The following ECE1 variants were observed in gnomAD, a reference collection of about 807,000 sequenced individuals.
ECE1 encodes endothelin-converting enzyme 1.
ECE1 carries 35 observed loss-of-function variants against 98.6 expected under a neutral mutation model. The observed-to-expected ratio is 0.35, with a 90% CI of 0.27 to 0.47. The LOEUF (loss-of-function observed/expected upper bound fraction) is 0.47, where lower values mean the gene tolerates loss of function less well. Ranked by LOEUF, ECE1 falls within the 20% of genes least tolerant of loss-of-function variation. The pLI, the probability that ECE1 is intolerant of heterozygous loss-of-function variation, is 1.00. For synonymous variants in ECE1, 394 were observed against 407.1 expected, an observed-to-expected ratio of 0.97 and a Z score of 0.39; for missense variants, 814 against 1,025.3, an observed-to-expected ratio of 0.79 and a Z score of 2.81.
chr1:21,313,117 C>T (rs1191354971), intron 1 of ECE1, among the ~76,000 whole-genome samples: 1 of 152,186 alleles, frequency 6.6e-6, no homozygotes, highest in Non-Finnish European at 1.5e-5. Flanking sequence ...CTGCGCCCCA[C>T]TATTCCCTCC....
Position 21,290,109 on chromosome 1 carries a change from G to C in ECE1, c.99C>G (p.Asp33Glu). The change falls in exon 2 of 19, where the codon GAC (aspartate) becomes GAG (glutamate). Residue 33 changes from aspartate to glutamate, a missense_variant. Physicochemically the swap from Asp to Glu is conservative, Grantham distance 45 (BLOSUM62 2). This residue lies in a region of ECE1 where 257 missense variants were observed against 278.9 expected (regional missense o/e 0.92). Transcript: ENST00000374893. The surrounding 1 kb of genome is among the most constrained non-coding windows in gnomAD (Gnocchi z 7.3). ...GGTATGCGTCGCCCTCGGAGAGCGA[G>C]TCCACCAGGTCCTCCTCGTCCAGCG... ...RATLDEEDLV[D>E]SLSEGDAYPN... The C allele has an allele frequency of 6.4e-7, 1 of 1,553,842 alleles. No individual in the cohort carries two copies. Among genetic ancestry groups the C allele is most frequent in the Non-Finnish European group, 8.7e-7 (1 of 1,150,616 alleles).
At position 21,272,853 on chromosome 1, in the gene ECE1, G is replaced by A. The variant is rs775183569; in HGVS notation, c.339C>T (p.Ser113=). Residue 113 remains serine (S), a synonymous_variant, in exon 4 of 19, where the codon AGC becomes AGT. Transcript: ENST00000374893. ...AGGGGTCCACTGTGGGGTCCATGGA[G>A]CTCAAGATGGAGCTGGTCACTGAGA... ...ACVSVTSSIL[S]SMDPTVDPCH... The A allele has an allele frequency of 5.0e-6, 8 of 1,614,152 alleles. No individual in the cohort carries two copies. The highest frequency in any genetic ancestry group is 1.3e-5 in the African/African-American group (1 of 74,954).
At chr1:21,343,616 T>C (rs944296021) in intron 1 of ECE1, among the ~76,000 whole-genome samples, 1 of 152,236 alleles carries the variant, frequency 6.6e-6, no homozygotes, top group African/African-American at 2.4e-5. Context: ...TATCATCTCA[T>C]CTTGCAGATG....
chr1:21,284,903 G>A (rs546656760), intron 2 of ECE1, among the ~76,000 whole-genome samples: 11 of 152,336 alleles, frequency 7.2e-5, no homozygotes, highest in South Asian at 6.2e-4. Context: ...ACCTGGGAGC[G>A]CTGGCAGGGG....
chr1:21,274,179 A>G (rs2098243812), intron 3 of ECE1, among the ~76,000 whole-genome samples: 1 of 152,242 alleles, frequency 6.6e-6, no homozygotes, highest in Non-Finnish European at 1.5e-5. Context: ...GAACGGAACA[A>G]GGTCGCCCAG....
At chr1:21,289,958 G>C in intron 2 of ECE1, 112 bp downstream of exon 2, 2 of 1,222,620 alleles carry the variant, frequency 1.6e-6, no homozygotes, top group Non-Finnish European at 2.1e-6. Context: ...GGACGAGGGA[G>C]GGGAAGGGAG....
At chr1:21,312,332 G>T (rs1291644825) in intron 1 of ECE1, among the ~76,000 whole-genome samples, 1 of 151,854 alleles carries the variant, frequency 6.6e-6, no homozygotes, top group African/African-American at 2.4e-5. Flanking sequence ...CAGCTACTCA[G>T]GAGGCTGAGG....
intron 9 of ECE1, among the ~76,000 whole-genome samples, chr1:21,246,404 C>G (rs12564654): frequency 6.8e-6 from 1 of 147,070 alleles, no homozygotes; most frequent in East Asian, 2.0e-4. Context: ...GAGGCTGAGG[C>G]AGGAGAATCA....
intron 3 of ECE1, among the ~76,000 whole-genome samples, chr1:21,276,630 CTA>C (rs1416779540): frequency 6.6e-6 from 1 of 151,490 alleles, no homozygotes; most frequent in Non-Finnish European, 1.5e-5. Flanking sequence ...TAAACACGTA[CTA>C]TGTGTCCAGA....
intron 1 of ECE1, among the ~76,000 whole-genome samples, chr1:21,341,526 C>A (rs1341907976): frequency 6.6e-6 from 1 of 152,272 alleles, no homozygotes; most frequent in Non-Finnish European, 1.5e-5. Flanking sequence ...CACCTTGTAG[C>A]CCTCTCATGC....
intron 7 of ECE1, chr1:21,256,658 A>C (rs1242075798): frequency 6.5e-6 from 1 of 152,748 alleles, no homozygotes; most frequent in Admixed American, 6.5e-5. Flanking sequence ...GAGAAAGCCC[A>C]AAGTCTTGGC....
chr1:21,331,117 A>C (rs1204802424), intron 1 of ECE1, among the ~76,000 whole-genome samples: 2 of 152,060 alleles, frequency 1.3e-5, no homozygotes, highest in African/African-American at 4.8e-5. Context: ...CTACAAAAAA[A>C]TTAGGCCAGG....
At position 21,258,596 on chromosome 1, in the gene ECE1, CAG is replaced by C. The variant is rs2098222872; in HGVS notation, c.762+95_762+96del. 929 of 1,236,578 alleles carry C rather than the reference CAG, an allele frequency of 7.5e-4. No homozygotes were observed. The highest frequency in any genetic ancestry group is 9.6e-4 in the Non-Finnish European group (836 of 869,582). The allele number at this position is 1,236,578 out of a possible 1,614,324, so 76.6% of individuals were successfully genotyped here. On this transcript the variant is annotated intron_variant, in intron 6 of 18. Transcript: ENST00000374893. This position sits in a 1 kb window ranked among gnomAD's most constrained non-coding sequence, Gnocchi z 4.2. Reference sequence around the variant, plus strand: ...GAAACTAGAAGACCGCCGTCCCACCCAGGGCAAGCCCCTCTCCCACCCCAGGT... The same window carrying C: ...GAAACTAGAAGACCGCCGTCCCACCCGGCAAGCCCCTCTCCCACCCCAGGT...
At chr1:21,262,134 G>A (rs911739483) in intron 4 of ECE1, among the ~76,000 whole-genome samples, 5 of 152,296 alleles carry the variant, frequency 3.3e-5, no homozygotes, top group East Asian at 1.9e-4. Flanking sequence ...CCTGAAAGGG[G>A]GACGGGACCA....
At chr1:21,306,538 T>C (rs528763729) in intron 1 of ECE1, among the ~76,000 whole-genome samples, 1 of 152,248 alleles carries the variant, frequency 6.6e-6, no homozygotes, top group Admixed American at 6.5e-5. Context: ...CGTTTCACCA[T>C]GTTGGCCAGG....
chr1:21,267,442 G>A (rs560237222), intron 4 of ECE1, among the ~76,000 whole-genome samples: 1 of 152,248 alleles, frequency 6.6e-6, no homozygotes, highest in East Asian at 1.9e-4. Context: ...GAGAGGCTGT[G>A]CAGGAGAACT....
At chr1:21,271,461 G>GT (rs1349678779) in intron 4 of ECE1, among the ~76,000 whole-genome samples, 5 of 152,176 alleles carry the variant, frequency 3.3e-5, no homozygotes. Context: ...ATATCTTAAA[G>GT]TTTTTTAAAA....
chr1:21,299,674 C>G (rs913364673), intron 1 of ECE1: 2 of 152,222 alleles, frequency 1.3e-5, no homozygotes, highest in African/African-American at 4.8e-5. Context: ...CTTGGGCAAG[C>G]TACTTCACCA....
chr1:21,279,970 G>A (rs977759843), intron 2 of ECE1: 3 of 154,982 alleles, frequency 1.9e-5, no homozygotes, highest in Non-Finnish European at 4.3e-5. Context: ...TGGATCAGAG[G>A]TGGATCCTGG....
Sources: gnomAD v4.1 joint callset for allele counts (sites outside exome capture counted in the v4.1 genomes callset) on GRCh38, gnomAD v4.1.1 for gene constraint, gnomAD v4.1.1 regional missense constraint, Gnocchi (gnomAD v3.1) non-coding constraint, MANE v1.5 for transcripts, NCBI Gene and HGNC (gene_info 2026-07-23, HGNC 2026-07-21) for gene names.